DPH6: variants seen among roughly 807,000 people sequenced by gnomAD.
The protein encoded by DPH6 is diphthamine biosynthesis 6.
DPH6 carries 33 observed loss-of-function variants against 38.2 expected under a neutral mutation model. The observed-to-expected ratio is 0.86, with a 90% CI of 0.65 to 1.15. DPH6 has a LOEUF of 1.15. DPH6 is among the 50% of genes most tolerant of loss of function. DPH6 has a pLI of 0.00. For synonymous variants in DPH6, 108 were observed against 103.0 expected, an observed-to-expected ratio of 1.05 and a Z score of -0.30; for missense variants, 325 against 320.0, an observed-to-expected ratio of 1.02 and a Z score of -0.12.
chr15:35,381,525 C>T (rs908356900), intron 7 of DPH6, among the ~76,000 whole-genome samples: 5 of 152,180 alleles, frequency 3.3e-5, no homozygotes, highest in African/African-American at 1.2e-4. Flanking sequence ...GCAATTCACA[C>T]TTCATGAAAG....
chr15:35,460,094 T>C (rs117741573), intron 3 of DPH6, among the ~76,000 whole-genome samples: 414 of 152,236 alleles, frequency 2.7e-3, no homozygotes, highest in Non-Finnish European at 4.7e-3. Context: ...AACAAAACCA[T>C]TGTATTTTAC....
chr15:35,436,937 C>G (rs577182024), intron 5 of DPH6, among the ~76,000 whole-genome samples: 1 of 151,878 alleles, frequency 6.6e-6, no homozygotes, highest in Non-Finnish European at 1.5e-5. Flanking sequence ...ATGCAACCCC[C>G]GAGACACATT....
intron 3 of DPH6, among the ~76,000 whole-genome samples, chr15:35,505,595 C>T (rs1219309464): frequency 6.6e-6 from 1 of 151,882 alleles, no homozygotes; most frequent in African/African-American, 2.4e-5. Context: ...GATTCTGATC[C>T]TGAAGTTACC....
At chr15:35,340,966 G>C (rs1027627011) in intron 3 of DPH6, among the ~76,000 whole-genome samples, 5 of 152,128 alleles carry the variant, frequency 3.3e-5, no homozygotes, top group African/African-American at 1.2e-4. Flanking sequence ...ATATTCTGAA[G>C]TATATTTTCC....
At position 35,504,129 on chromosome 15, in the gene DPH6, A is replaced by T. The variant is rs1201130144; in HGVS notation, c.312+34145T>A. 5.9e-5 allele frequency among the ~76,000 whole-genome samples: 9 copies of T among 151,916 alleles called. No homozygotes were observed. In the South Asian group the frequency reaches 1.9e-3, roughly 31 times the overall value. ...TCCTACACAGTACTACAAAATACAA[A>T]TCTATCCATTTTGCTTCTTTACTTT... On this transcript the variant is annotated intron_variant, in intron 3 of 8. Coordinates refer to ENST00000256538, the MANE Select transcript of DPH6 (RefSeq NM_080650.4).
intron 3 of DPH6, among the ~76,000 whole-genome samples, chr15:35,529,607 T>C (rs1024468729): frequency 4.6e-5 from 7 of 152,214 alleles, no homozygotes; most frequent in Admixed American, 2.6e-4. Context: ...ATGGCAACTG[T>C]ACCTTGTATT....
At chr15:35,407,542 G>GGTA (rs964517138) in intron 6 of DPH6, among the ~76,000 whole-genome samples, 107 of 152,050 alleles carry the variant, frequency 7.0e-4, no homozygotes, top group African/African-American at 2.5e-3. Context: ...AATGGTACAG[G>GGTA]GTAGGTAATA....
chr15:35,269,707 G>C (rs1376195816), intron 3 of DPH6, among the ~76,000 whole-genome samples: 2 of 151,036 alleles, frequency 1.3e-5, no homozygotes, highest in Non-Finnish European at 2.9e-5. Flanking sequence ...CAAAGTGCTG[G>C]GATTACAGGC....
At chr15:35,540,716 T>C (rs1052528968) in intron 2 of DPH6, among the ~76,000 whole-genome samples, 1 of 152,072 alleles carries the variant, frequency 6.6e-6, no homozygotes, top group Admixed American at 6.6e-5. Flanking sequence ...AATTTAAAAA[T>C]ATACTTTGCT....
chr15:35,436,822 C>T (rs2053722475), intron 5 of DPH6, among the ~76,000 whole-genome samples: 1 of 150,832 alleles, frequency 6.6e-6, no homozygotes, highest in South Asian at 2.1e-4. Context: ...TTTTTCTCCC[C>T]CTTTTAGAGG....
At chr15:35,485,112 A>G (rs1053358519) in intron 3 of DPH6, among the ~76,000 whole-genome samples, 2 of 152,206 alleles carry the variant, frequency 1.3e-5, no homozygotes, top group Non-Finnish European at 2.9e-5. Context: ...TGTGGTAGAT[A>G]CCACGATTAT....
the DPH6 span, among the ~76,000 whole-genome samples, chr15:35,207,584 G>T: frequency 6.6e-6 from 1 of 151,636 alleles, no homozygotes; most frequent in Non-Finnish European, 1.5e-5. Flanking sequence ...TTTAGGCAGG[G>T]GTAACTAAAT....
the DPH6 span, among the ~76,000 whole-genome samples, chr15:35,159,191 C>G: frequency 6.6e-6 from 1 of 152,044 alleles, no homozygotes; most frequent in Admixed American, 6.6e-5. Context: ...AAAAGAATTA[C>G]TTTATCTTCT....
chr15:35,282,318 T>C (rs1167494310), intron 3 of DPH6, among the ~76,000 whole-genome samples: 1 of 152,122 alleles, frequency 6.6e-6, no homozygotes, highest in African/African-American at 2.4e-5. Flanking sequence ...ACTACAGTTA[T>C]GTGCTGCTAC....
intron 7 of DPH6, among the ~76,000 whole-genome samples, chr15:35,374,277 T>G (rs1439077470): frequency 6.6e-6 from 1 of 152,108 alleles, no homozygotes; most frequent in Non-Finnish European, 1.5e-5. Flanking sequence ...TTTTATTGTT[T>G]ATTAAGAGAG....
chr15:35,210,002 CA>C, the DPH6 span, among the ~76,000 whole-genome samples: 1 of 152,118 alleles, frequency 6.6e-6, no homozygotes, highest in Non-Finnish European at 1.5e-5. Flanking sequence ...CATAACATTT[CA>C]TAACAGTGAG....
chr15:35,481,758 T>C (rs949014282), intron 3 of DPH6, among the ~76,000 whole-genome samples: 1 of 152,188 alleles, frequency 6.6e-6, no homozygotes, highest in Non-Finnish European at 1.5e-5. Context: ...AACTTAATTG[T>C]AGCTGGCTAA....
chr15:35,533,953 T>G (rs192808435), intron 3 of DPH6, among the ~76,000 whole-genome samples: 13 of 152,168 alleles, frequency 8.5e-5, no homozygotes, highest in African/African-American at 2.6e-4. Context: ...GGGAAAATTC[T>G]AGAGTCAAAA....
At chr15:35,258,822 C>T (rs2051724420) in intron 3 of DPH6, among the ~76,000 whole-genome samples, 2 of 152,036 alleles carry the variant, frequency 1.3e-5, no homozygotes, top group South Asian at 2.1e-4. Flanking sequence ...TACTTTACTG[C>T]CCCTAGAACT....
Sources: gnomAD v4.1 joint callset for allele counts (sites outside exome capture counted in the v4.1 genomes callset) on GRCh38, gnomAD v4.1.1 for gene constraint, MANE v1.5 for transcripts, NCBI Gene and HGNC (gene_info 2026-07-23, HGNC 2026-07-21) for gene names.